The following TMEM132C variants were observed in gnomAD, a reference collection of about 807,000 sequenced individuals.
The protein encoded by TMEM132C is transmembrane protein 132C, also known as protein phosphatase 1, regulatory subunit 152.
Under a neutral mutation model 61.4 loss-of-function variants are expected in TMEM132C, and 29 were observed. That is an observed-to-expected ratio of 0.47 (90% CI 0.35 to 0.64). The LOEUF (loss-of-function observed/expected upper bound fraction) is 0.64. Ranked by LOEUF, TMEM132C falls within the 30% of genes least tolerant of loss-of-function variation. The pLI, the probability that TMEM132C is intolerant of heterozygous loss-of-function variation, is 0.00. For synonymous variants in TMEM132C, 656 were observed against 633.1 expected (o/e 1.04, Z -0.54); for missense variants, 1,408 against 1,476.9 (o/e 0.95, Z 0.76).
At position 128,705,573 on chromosome 12, in the gene TMEM132C, G is replaced by A; in HGVS notation, c.2605G>A (p.Val869Met). The change falls in exon 9 of 9, where the codon GTG (valine) becomes ATG (methionine). Residue 869 changes from valine (V) to methionine (M), a missense_variant. Physicochemically the swap from Val to Met is conservative, Grantham distance 21 (BLOSUM62 1). Coordinates refer to ENST00000435159, the MANE Select transcript of TMEM132C (RefSeq NM_001136103.3). Reference sequence around the variant, plus strand: ...CAGGTCCCTGCTGGACAACAAAGTGGTGAAGAACAGTCGGGCAGACGGGGG... The same window carrying A: ...CAGGTCCCTGCTGGACAACAAAGTGATGAAGAACAGTCGGGCAGACGGGGG... ...TARSLLDNKV[V>M]KNSRADGGRL... is the part of the protein sequence containing the mutation. 1 of 1,551,186 alleles carries A rather than the reference G, an allele frequency of 6.4e-7. No individual in the cohort carries two copies. Among genetic ancestry groups the A allele is most frequent in the Non-Finnish European group, 8.7e-7 (1 of 1,146,994 alleles).
intron 1 of TMEM132C, among the ~76,000 whole-genome samples, chr12:128,338,799 T>C (rs1030317402): frequency 2.7e-5 from 4 of 150,626 alleles, no homozygotes; most frequent in Non-Finnish European, 5.9e-5. Flanking sequence ...ATGAAATCCG[T>C]CCTAGGGTCT....
At chr12:128,298,123 G>A (rs1024044159) in intron 1 of TMEM132C, among the ~76,000 whole-genome samples, 2 of 152,138 alleles carry the variant, frequency 1.3e-5, no homozygotes, top group Non-Finnish European at 2.9e-5. Flanking sequence ...CTTCTGCCCA[G>A]TACAGGTTCA....
rs185850368 is a variant in TMEM132C, at chr12:128,271,468, G to T, written c.85+3981G>T. On this transcript the variant is annotated intron_variant, in intron 1 of 8. Transcript: ENST00000435159. Reference sequence around the variant, plus strand: ...TCTAGTTTGCTAGAAGTTGCATATAGAATTTTATCAAATGCTCTTTTGCAT... The same window carrying T: ...TCTAGTTTGCTAGAAGTTGCATATATAATTTTATCAAATGCTCTTTTGCAT... 1.8e-4 allele frequency among the ~76,000 whole-genome samples: 28 copies of T among 152,116 alleles called. No homozygotes were observed. In the East Asian group the frequency reaches 5.2e-3, roughly 28 times the overall value.
intron 1 of TMEM132C, among the ~76,000 whole-genome samples, chr12:128,309,528 G>A (rs545596487): frequency 1.4e-4 from 21 of 151,790 alleles, no homozygotes; most frequent in South Asian, 6.3e-4. Context: ...CATTTAATCC[G>A]TCACTCTCCA....
chr12:128,277,153 C>T (rs770983708), intron 1 of TMEM132C, among the ~76,000 whole-genome samples: 3 of 152,172 alleles, frequency 2.0e-5, no homozygotes, highest in South Asian at 2.1e-4. Context: ...TTCTTATTCA[C>T]GATTCCTCTA....
intron 1 of TMEM132C, among the ~76,000 whole-genome samples, chr12:128,334,048 G>A (rs1390010487): frequency 6.6e-6 from 1 of 152,016 alleles, no homozygotes; most frequent in Non-Finnish European, 1.5e-5. Context: ...AGGGAGGAAG[G>A]CACGGGAGAA....
intron 3 of TMEM132C, among the ~76,000 whole-genome samples, chr12:128,557,776 T>G (rs918730283): frequency 1.3e-5 from 2 of 152,250 alleles, no homozygotes; most frequent in East Asian, 3.8e-4. Flanking sequence ...TGGCTGATCT[T>G]CACAAGACAG....
chr12:128,325,407 C>G (rs751834493), intron 1 of TMEM132C, among the ~76,000 whole-genome samples: 1 of 152,012 alleles, frequency 6.6e-6, no homozygotes, highest in Non-Finnish European at 1.5e-5. Flanking sequence ...CACCATTCGC[C>G]GTTTGCTGTG....
intron 1 of TMEM132C, among the ~76,000 whole-genome samples, chr12:128,409,886 G>T (rs1868474540): frequency 6.6e-6 from 1 of 152,150 alleles, no homozygotes; most frequent in Non-Finnish European, 1.5e-5. Context: ...CCCCGGCTAA[G>T]AAAGAAGACG....
intron 2 of TMEM132C, among the ~76,000 whole-genome samples, chr12:128,542,479 T>C (rs1379271838): frequency 3.3e-5 from 5 of 152,104 alleles, no homozygotes; most frequent in Admixed American, 6.6e-5. Context: ...TTAAGTTTTG[T>C]ATTTTTCGTA....
At chr12:128,455,162 A>G (rs751441132) in intron 2 of TMEM132C, among the ~76,000 whole-genome samples, 1 of 152,216 alleles carries the variant, frequency 6.6e-6, no homozygotes, top group Non-Finnish European at 1.5e-5. Context: ...TTGGTACTCC[A>G]AGCAAGCTCA....
intron 1 of TMEM132C, among the ~76,000 whole-genome samples, chr12:128,284,688 T>C (rs967308906): frequency 6.6e-6 from 1 of 152,214 alleles, no homozygotes; most frequent in Non-Finnish European, 1.5e-5. Context: ...TTTCTACCTA[T>C]AGCAGTTAAA....
chr12:128,680,949 G>C (rs1005359278), intron 5 of TMEM132C, among the ~76,000 whole-genome samples: 2 of 152,106 alleles, frequency 1.3e-5, no homozygotes, highest in African/African-American at 4.8e-5. Context: ...AAAAGTTTCT[G>C]GTCAGGTTCA....
intron 5 of TMEM132C, among the ~76,000 whole-genome samples, chr12:128,683,026 T>G (rs1370489825): frequency 6.6e-6 from 1 of 152,128 alleles, no homozygotes. Flanking sequence ...GGATCTCGAG[T>G]GCCTTATTAA....
intron 2 of TMEM132C, among the ~76,000 whole-genome samples, chr12:128,536,783 G>A (rs765130551): frequency 1.3e-5 from 2 of 152,152 alleles, no homozygotes; most frequent in African/African-American, 2.4e-5. Context: ...GTGTGTAAGT[G>A]TGTAATTTCC....
intron 2 of TMEM132C, among the ~76,000 whole-genome samples, chr12:128,529,861 C>T (rs994644794): frequency 2.0e-5 from 3 of 152,072 alleles, no homozygotes; most frequent in Non-Finnish European, 4.4e-5. Flanking sequence ...TCTGAGGGTT[C>T]AAACCAGTTA....
At chr12:128,321,663 A>AC (rs1195459583) in intron 1 of TMEM132C, among the ~76,000 whole-genome samples, 3 of 152,230 alleles carry the variant, frequency 2.0e-5, no homozygotes, top group African/African-American at 7.2e-5. Context: ...GACATCTCAG[A>AC]AAAGATCAGA....
At chr12:128,304,165 G>A (rs535107654) in intron 1 of TMEM132C, among the ~76,000 whole-genome samples, 1 of 152,298 alleles carries the variant, frequency 6.6e-6, no homozygotes, top group Admixed American at 6.5e-5. Flanking sequence ...AAGTATTTTT[G>A]AAGAGATAAA....
At chr12:128,496,364 A>G (rs1871958570) in intron 2 of TMEM132C, among the ~76,000 whole-genome samples, 1 of 152,010 alleles carries the variant, frequency 6.6e-6, no homozygotes, top group Non-Finnish European at 1.5e-5. Flanking sequence ...TATTTCCTGA[A>G]TTTGAATGTT....
Sources: gnomAD v4.1 joint callset for allele counts (sites outside exome capture counted in the v4.1 genomes callset) on GRCh38, gnomAD v4.1.1 for gene constraint, MANE v1.5 for transcripts, NCBI Gene and HGNC (gene_info 2026-07-23, HGNC 2026-07-21) for gene names.